Variants in CNTLN observed in about 807,000 individuals in gnomAD.
CNTLN encodes centlein.
A neutral mutation model predicts 180.0 loss-of-function variants in CNTLN; 212 were observed. The ratio of observed to expected loss-of-function variants is 1.18; its 90% confidence interval spans 1.05 to 1.32. The LOEUF is 1.32. Among genes scored for constraint, CNTLN ranks in the 40% most tolerant of loss-of-function variants. CNTLN has a pLI of 0.00. For missense variants in CNTLN, 2,095 were observed against 1,610.9 expected (o/e 1.30, Z -5.14); for synonymous variants, 722 against 563.1 (o/e 1.28, Z -3.99).
chr9:17,312,131 G>A (rs1019419113), intron 8 of CNTLN, among the ~76,000 whole-genome samples: 16 of 151,466 alleles, frequency 1.1e-4, no homozygotes, highest in African/African-American at 3.9e-4. Context: ...TTGCTTTTTT[G>A]TAGTAATTTT....
chr9:17,290,682 C>T (rs555377484), intron 6 of CNTLN, among the ~76,000 whole-genome samples: 3 of 150,496 alleles, frequency 2.0e-5, no homozygotes, highest in Non-Finnish European at 4.4e-5. Flanking sequence ...GTAGGACCCT[C>T]CGAGCCAGGT....
chr9:17,515,365 G>T, the CNTLN span, among the ~76,000 whole-genome samples: 1 of 152,004 alleles, frequency 6.6e-6, no homozygotes, highest in Non-Finnish European at 1.5e-5. Context: ...TAAATATTCA[G>T]TCTGTAGTTG....
Position 17,394,586 on chromosome 9 carries a change from T to A in CNTLN, c.2132T>A (p.Leu711Ter). 1 of 1,593,350 alleles carries A rather than the reference T, an allele frequency of 6.3e-7. No individual in the cohort carries two copies. Among genetic ancestry groups the A allele is most frequent in the Non-Finnish European group, 8.5e-7 (1 of 1,174,560 alleles). Residue 711 changes from leucine to a stop codon, truncating the protein, a stop_gained, in exon 15 of 26, where the codon TTA becomes TAA. Coordinates refer to ENST00000380647, the MANE Select transcript of CNTLN (RefSeq NM_017738.4). LOFTEE classifies it high-confidence loss of function. ...LKSFEKRSRK[L>*]KEGNKKLMKE... ...TCTTTTGAGAAAAGGTCGAGAAAAT[T>A]AAAAGAAGGGAATAAAAAATTAATG...
intron 15 of CNTLN, among the ~76,000 whole-genome samples, chr9:17,404,147 T>G (rs1024405639): frequency 2.0e-5 from 3 of 151,700 alleles, no homozygotes; most frequent in Admixed American, 6.6e-5. Flanking sequence ...ATTACTATAT[T>G]TTTCATTATT....
intron 5 of CNTLN, among the ~76,000 whole-genome samples, chr9:17,245,680 T>C (rs1466958267): frequency 6.6e-6 from 1 of 152,142 alleles, no homozygotes; most frequent in Non-Finnish European, 1.5e-5. Context: ...ATTGTTAGAT[T>C]TGCCCTTTCA....
intron 12 of CNTLN, among the ~76,000 whole-genome samples, chr9:17,343,913 A>G (rs1441200385): frequency 1.3e-5 from 2 of 152,170 alleles, no homozygotes; most frequent in Non-Finnish European, 2.9e-5. Context: ...TATTCTAGAC[A>G]TTGCATATAA....
chr9:17,135,100 C>A lies in CNTLN; in HGVS notation c.35C>A (p.Ser12Ter). ...AARSPPSPHPSPPARQLGPRS... is the reference protein window; with the variant it reads ...AARSPPSPHP The stretch of plus-strand genomic sequence containing the variant: ...CGTTCGCCTCCCTCACCGCACCCTT[C>A]GCCCCCAGCGCGACAGCTGGGCCCC... The change falls in exon 1 of 26, where the codon TCG becomes TAG. Residue 12 changes from serine to a stop codon, truncating the protein, a stop_gained. Transcript: ENST00000380647. LOFTEE classifies it high-confidence loss of function. 1.2e-6 allele frequency: 2 copies of A among 1,604,770 alleles called. No homozygotes were observed. Among genetic ancestry groups the A allele is most frequent in the Non-Finnish European group, 1.7e-6 (2 of 1,177,670 alleles).
At chr9:17,388,807 A>G (rs533766702) in intron 14 of CNTLN, among the ~76,000 whole-genome samples, 1 of 128,832 alleles carries the variant, frequency 7.8e-6, no homozygotes, top group Non-Finnish European at 1.7e-5. Context: ...ATATTATAAC[A>G]TGTCTATCAT....
At chr9:17,276,856 G>C (rs1027941844) in intron 6 of CNTLN, among the ~76,000 whole-genome samples, 1 of 151,824 alleles carries the variant, frequency 6.6e-6, no homozygotes, top group African/African-American at 2.4e-5. Context: ...GTATTGTTTT[G>C]TTGTTATATT....
chr9:17,354,137 G>A (rs1290820073), intron 12 of CNTLN, among the ~76,000 whole-genome samples: 1 of 152,306 alleles, frequency 6.6e-6, no homozygotes, highest in South Asian at 2.1e-4. Context: ...CCGGCGCTGC[G>A]CTCAATTTCT....
chr9:17,399,275 C>T (rs929457109), intron 15 of CNTLN, among the ~76,000 whole-genome samples: 14 of 152,172 alleles, frequency 9.2e-5, no homozygotes, highest in African/African-American at 3.4e-4. Context: ...TCTTTTGTTA[C>T]AGGGGTCTCA....
chr9:17,369,091 G>C (rs1824087265), intron 13 of CNTLN, among the ~76,000 whole-genome samples: 1 of 152,138 alleles, frequency 6.6e-6, no homozygotes, highest in South Asian at 2.1e-4. Flanking sequence ...CGTGTCAAAA[G>C]AGAGACCAGG....
At chr9:17,332,823 TTC>T (rs1820734191) in intron 10 of CNTLN, 93 bp downstream of exon 10, 5 of 1,003,168 alleles carry the variant, frequency 5.0e-6, no homozygotes, top group Non-Finnish European at 6.8e-6. Context: ...GTTGTCCTTT[TTC>T]TTTCCTGAAT....
chr9:17,396,315 TCCAAGAA>T (rs1293739777), intron 15 of CNTLN, among the ~76,000 whole-genome samples: 11 of 152,334 alleles, frequency 7.2e-5, no homozygotes, highest in South Asian at 6.2e-4. Flanking sequence ...TTGTGCAAGA[TCCAAGAA>T]CCCTCTCTTG....
chr9:17,375,104 C>A (rs1824646701), intron 13 of CNTLN, among the ~76,000 whole-genome samples: 1 of 152,142 alleles, frequency 6.6e-6, no homozygotes, highest in South Asian at 2.1e-4. Flanking sequence ...GAATTGAAAT[C>A]TTGTCATTTG....
chr9:17,208,302 G>T (rs187559503), intron 2 of CNTLN, among the ~76,000 whole-genome samples: 23 of 152,148 alleles, frequency 1.5e-4, no homozygotes, highest in Middle Eastern at 3.4e-3. Flanking sequence ...AACTATTATT[G>T]CTTCCCCAGG....
intron 5 of CNTLN, among the ~76,000 whole-genome samples, chr9:17,238,953 C>T (rs553870551): frequency 2.8e-4 from 43 of 152,196 alleles, no homozygotes; most frequent in African/African-American, 9.9e-4. Context: ...TTTGATTTTT[C>T]GATGTTCACA....
chr9:17,380,065 TTTAA>T (rs1825106182), intron 13 of CNTLN, among the ~76,000 whole-genome samples: 1 of 152,210 alleles, frequency 6.6e-6, no homozygotes, highest in Admixed American at 6.5e-5. Context: ...TACAGCCACC[TTTAA>T]TTAATTACTG....
chr9:17,269,152 G>C (rs187398548), intron 5 of CNTLN, among the ~76,000 whole-genome samples: 1 of 152,050 alleles, frequency 6.6e-6, no homozygotes, highest in African/African-American at 2.4e-5. Context: ...CTGTAGACCG[G>C]AGCTGTTCCT....
Sources: gnomAD v4.1 joint callset for allele counts (sites outside exome capture counted in the v4.1 genomes callset) on GRCh38, gnomAD v4.1.1 for gene constraint, MANE v1.5 for transcripts, NCBI Gene and HGNC (gene_info 2026-07-23, HGNC 2026-07-21) for gene names.